The following KIFC3 variants were observed in gnomAD, a reference collection of about 807,000 sequenced individuals.
KIFC3 encodes kinesin family member C3.
KIFC3 carries 60 observed loss-of-function variants against 101.8 expected under a neutral mutation model. The observed-to-expected ratio is 0.59, with a 90% CI of 0.48 to 0.73. KIFC3 has a LOEUF of 0.73. Among genes scored for constraint, KIFC3 ranks in the 30% least tolerant of loss-of-function variants. KIFC3 has a pLI of 0.00. For missense variants in KIFC3, 966 were observed against 1,137.1 expected (o/e 0.85, Z 2.16); for synonymous variants, 476 against 482.7 (o/e 0.99, Z 0.18).
intron 3 of KIFC3, chr16:57,785,323 C>A: frequency 3.6e-6 from 1 of 280,568 alleles, no homozygotes; most frequent in South Asian, 5.5e-5. Context: ...ACCACCCTAC[C>A]CTCCAGCGTA....
In KIFC3 at chr16:57,769,586, C is replaced by G; in HGVS notation, c.1218+9G>C. The G allele has an allele frequency of 6.2e-7, 1 of 1,606,968 alleles. No individual in the cohort carries two copies. The highest frequency in any genetic ancestry group is 8.5e-7 in the Non-Finnish European group (1 of 1,178,298). ...AGCCTGGACCCTCCCACCCACTGCC[C>G]TCGCTCACCTCGGCCTTGACACTCC... On this transcript the variant is annotated intron_variant, in intron 9 of 19. Coordinates refer to ENST00000445690, the MANE Select transcript of KIFC3 (RefSeq NM_001130100.2). The surrounding 1 kb of genome is among the most constrained non-coding windows in gnomAD (Gnocchi z 4.3).
Position 57,861,789 on chromosome 16 carries a change from A to G in KIFC3, c.108+940T>C, listed in dbSNP as rs1041490014. ...CCTAACAAAACCCTGTCTCTACTAA[A>G]AATACAAAAATTAGCCGGGCGTGAT... On this transcript the variant is annotated intron_variant, in intron 1 of 2. Coordinates refer to the KIFC3 transcript ENST00000563028. 1.8e-4 allele frequency among the ~76,000 whole-genome samples: 28 copies of G among 152,204 alleles called. 1 individual carries two copies. Among genetic ancestry groups the G allele is most frequent in the African/African-American group, 6.7e-4 (28 of 41,550 alleles).
At chr16:57,859,521 C>T (rs1378043640) in intron 1 of KIFC3, among the ~76,000 whole-genome samples, 1 of 152,148 alleles carries the variant, frequency 6.6e-6, no homozygotes, top group African/African-American at 2.4e-5. Flanking sequence ...ACGAAGCTCT[C>T]AGAAACTCCA....
rs146805393 is a variant in KIFC3, at chr16:57,825,455, G to A, written c.109-27173C>T. On this transcript the variant is annotated intron_variant, in intron 1 of 2. Transcript: ENST00000563028. ...GATGCAGCAGGCTGTTAAACACCATGCCAGGAGGACGCCACTCCATTTAAC... is the reference window on the plus strand; with the variant it reads ...GATGCAGCAGGCTGTTAAACACCATACCAGGAGGACGCCACTCCATTTAAC... Among the ~76,000 whole-genome samples the A allele has an allele frequency of 5.1e-4, 78 of 152,304 alleles. No individual in the cohort carries two copies. In the Middle Eastern group the frequency reaches 0.01, roughly 20 times the overall value.
intron 1 of KIFC3, among the ~76,000 whole-genome samples, chr16:57,833,984 TC>T (rs1428387003): frequency 1.4e-5 from 2 of 146,878 alleles, no homozygotes; most frequent in African/African-American, 5.0e-5. Context: ...TGCCTCAGCC[TC>T]CTGAGTAGCT....
intron 1 of KIFC3, among the ~76,000 whole-genome samples, chr16:57,830,037 T>C (rs1400885322): frequency 6.6e-6 from 1 of 152,056 alleles, no homozygotes. Context: ...CTTTTCTTCT[T>C]TGCCTGAAAG....
rs1215568858 is a variant in KIFC3, at chr16:57,842,199, C to CA, written c.108+20529dup. ...TGGGCAACAGAGCGAGACTCCGTCT[C>CA]AAAAAAAAAAATAAAAAATCTCCTC... On this transcript the variant is annotated intron_variant, in intron 1 of 2. Coordinates refer to the KIFC3 transcript ENST00000563028. Among the ~76,000 whole-genome samples the CA allele has an allele frequency of 5.5e-3, 807 of 145,836 alleles. 3 individuals are homozygous for CA. The highest frequency in any genetic ancestry group is 0.011 in the Middle Eastern group (3 of 284).
chr16:57,812,247 T>G (rs1387522919), intron 1 of KIFC3, among the ~76,000 whole-genome samples: 3 of 151,676 alleles, frequency 2.0e-5, no homozygotes, highest in Admixed American at 2.0e-4. Flanking sequence ...TTTCGCCGTG[T>G]TAGCCAGGAT....
intron 1 of KIFC3, among the ~76,000 whole-genome samples, chr16:57,828,810 C>T (rs374294362): frequency 6.6e-6 from 1 of 152,130 alleles, no homozygotes; most frequent in African/African-American, 2.4e-5. Flanking sequence ...GCCCCCTCCA[C>T]GCACAAGCCC....
At chr16:57,764,111 T>A in intron 12 of KIFC3, 32 bp downstream of exon 12, 1 of 1,500,060 alleles carries the variant, frequency 6.7e-7, no homozygotes, top group Non-Finnish European at 9.3e-7. Context: ...CATGCTTCAC[T>A]GTGAACCCCC....
At chr16:57,842,260 C>G (rs2055830660) in intron 1 of KIFC3, among the ~76,000 whole-genome samples, 1 of 152,170 alleles carries the variant, frequency 6.6e-6, no homozygotes. Flanking sequence ...ATCTTGTTCA[C>G]TAACTGCCTC....
At chr16:57,858,366 A>G (rs534697906) in intron 1 of KIFC3, among the ~76,000 whole-genome samples, 1 of 152,226 alleles carries the variant, frequency 6.6e-6, no homozygotes, top group African/African-American at 2.4e-5. Context: ...AAATAGCTGA[A>G]GCCAATTTTA....
At chr16:57,861,918 C>T (rs1417012797) in intron 1 of KIFC3, among the ~76,000 whole-genome samples, 1 of 152,102 alleles carries the variant, frequency 6.6e-6, no homozygotes, top group Non-Finnish European at 1.5e-5. Flanking sequence ...CACTGCACTC[C>T]AGCCTGGGCA....
chr16:57,772,064 G>A (rs1555609062), intron 4 of KIFC3, among the ~76,000 whole-genome samples, 159 bp downstream of exon 4: 1 of 152,070 alleles, frequency 6.6e-6, no homozygotes, highest in African/African-American at 2.4e-5. Flanking sequence ...GGCCTCTGAG[G>A]GTACTAGGAG....
At chr16:57,773,924 T>A (rs1443060381) in intron 3 of KIFC3, 1 of 151,780 alleles carries the variant, frequency 6.6e-6, no homozygotes, top group Non-Finnish European at 1.5e-5. Flanking sequence ...GACCAAGGGA[T>A]CCACCCCCAC....
At chr16:57,826,521 C>G (rs1555630822) in intron 1 of KIFC3, among the ~76,000 whole-genome samples, 1 of 152,108 alleles carries the variant, frequency 6.6e-6, no homozygotes, top group Admixed American at 6.5e-5. Context: ...TTAGGAACCA[C>G]CACTCTTTTG....
chr16:57,790,606 C>T (rs541798209), intron 3 of KIFC3, among the ~76,000 whole-genome samples: 61 of 152,260 alleles, frequency 4.0e-4, no homozygotes, highest in African/African-American at 1.4e-3. Flanking sequence ...AGTTGCTTAC[C>T]TTCTTGAAGC....
intron 3 of KIFC3, among the ~76,000 whole-genome samples, chr16:57,777,253 G>C (rs1007048535): frequency 1.4e-4 from 21 of 152,216 alleles, no homozygotes; most frequent in Admixed American, 1.3e-4. Flanking sequence ...ATTTAATATT[G>C]ATAAGGTGTC....
In KIFC3 at chr16:57,764,492, C is replaced by T. The variant is rs2050227190; in HGVS notation, c.1513-245G>A. 5.8e-6 allele frequency: 3 copies of T among 515,304 alleles called. No homozygotes were observed. The South Asian group carries it at 6.5e-5, about 11-fold the overall frequency. 31.9% of individuals were successfully genotyped at this position (515,304 alleles called of 1,614,324 possible). On this transcript the variant is annotated intron_variant, in intron 11 of 19. Transcript: ENST00000445690. ...GTGCCTGCTGCCCTTCCCCCAGCTC[C>T]TCCTGCTCTCTCTCAAAGAGTGCTC...
Sources: gnomAD v4.1 joint callset for allele counts (sites outside exome capture counted in the v4.1 genomes callset) on GRCh38, gnomAD v4.1.1 for gene constraint, Gnocchi (gnomAD v3.1) non-coding constraint, MANE v1.5 for transcripts, NCBI Gene and HGNC (gene_info 2026-07-23, HGNC 2026-07-21) for gene names.